Variants in KCNH7 observed in about 807,000 individuals in gnomAD.
KCNH7 encodes the protein voltage-gated inwardly rectifying potassium channel KCNH7.
Under a neutral mutation model 120.8 loss-of-function variants are expected in KCNH7, and 49 were observed. The observed-to-expected ratio is 0.41, with a 90% confidence interval of 0.32 to 0.51. KCNH7 has a LOEUF of 0.51. Ranked by LOEUF, KCNH7 falls within the 20% of genes least tolerant of loss-of-function variation. The pLI, the probability that KCNH7 is intolerant of heterozygous loss-of-function variation, is 0.38. For missense variants in KCNH7, 1,097 were observed against 1,446.6 expected, an observed-to-expected ratio of 0.76 and a Z score of 3.92; for synonymous variants, 547 against 516.1, an observed-to-expected ratio of 1.06 and a Z score of -0.81.
intron 13 of KCNH7, among the ~76,000 whole-genome samples, chr2:162,381,300 T>TA (rs761474903): frequency 7.5e-4 from 114 of 152,250 alleles, no homozygotes; most frequent in Non-Finnish European, 1.5e-3. Flanking sequence ...TTGGCTATTT[T>TA]AAAAAATTGG....
intron 2 of KCNH7, among the ~76,000 whole-genome samples, chr2:162,708,183 G>A (rs1442419732): frequency 6.6e-6 from 1 of 151,648 alleles, no homozygotes; most frequent in Non-Finnish European, 1.5e-5. Flanking sequence ...GCATATAGTA[G>A]GCCCTCAACA....
chr2:162,695,075 G>C (rs1212197040), intron 2 of KCNH7, among the ~76,000 whole-genome samples: 1 of 151,976 alleles, frequency 6.6e-6, no homozygotes, highest in African/African-American at 2.4e-5. Context: ...CTAGAAACCT[G>C]TACTTTTTAA....
chr2:162,556,462 T>A (rs749662340), intron 2 of KCNH7, among the ~76,000 whole-genome samples: 1 of 152,212 alleles, frequency 6.6e-6, no homozygotes, highest in Non-Finnish European at 1.5e-5. Flanking sequence ...TAGTTTATGC[T>A]AGGATTTTTA....
intron 2 of KCNH7, among the ~76,000 whole-genome samples, chr2:162,661,473 G>T (rs997092882): frequency 1.3e-5 from 2 of 152,142 alleles, no homozygotes; most frequent in Admixed American, 6.5e-5. Context: ...TTTTTTGAGA[G>T]CGTTATTTAT....
At chr2:162,781,879 A>C (rs1427086769) in intron 2 of KCNH7, among the ~76,000 whole-genome samples, 2 of 152,216 alleles carry the variant, frequency 1.3e-5, no homozygotes, top group African/African-American at 4.8e-5. Context: ...TACCCTGCAC[A>C]AAAGAAATTA....
At chr2:162,767,970 A>C (rs2105465509) in intron 2 of KCNH7, among the ~76,000 whole-genome samples, 1 of 152,308 alleles carries the variant, frequency 6.6e-6, no homozygotes, top group South Asian at 2.1e-4. Context: ...CAACATTTTA[A>C]TCTGCCTGTG....
Position 162,504,502 on chromosome 2 carries a change from T to G in KCNH7, c.1069A>C (p.Thr357Pro), listed in dbSNP as rs1031259516. 1 of 1,613,108 alleles carries G rather than the reference T, an allele frequency of 6.2e-7. No individual in the cohort carries two copies. Among genetic ancestry groups the G allele is most frequent in the East Asian group, 2.2e-5 (1 of 44,812 alleles). Reference sequence around the variant, plus strand: ...TCTTTAACCTTGGGTGCAATAATGGTTTTATCTGAAGAAGGAGGTGATGAA... The same window carrying G: ...TCTTTAACCTTGGGTGCAATAATGGGTTTATCTGAAGAAGGAGGTGATGAA... ...KNSSPPSSDK[T>P]IIAPKVKDRT... Residue 357 changes from threonine to proline, a missense_variant, in exon 6 of 16, where the codon ACC (threonine) becomes CCC (proline). This residue lies in a region of KCNH7 where 362 missense variants were observed against 372.2 expected (regional missense o/e 0.97). Transcript: ENST00000332142.
At chr2:162,828,098 G>A (rs1685349001) in intron 2 of KCNH7, among the ~76,000 whole-genome samples, 1 of 152,044 alleles carries the variant, frequency 6.6e-6, no homozygotes, top group Admixed American at 6.6e-5. Context: ...AGACTTTTTA[G>A]CAAACCCAGA....
chr2:162,827,758 A>G (rs1336001576), intron 2 of KCNH7, among the ~76,000 whole-genome samples: 1 of 152,136 alleles, frequency 6.6e-6, no homozygotes, highest in Non-Finnish European at 1.5e-5. Flanking sequence ...TAAATTGTAA[A>G]CCACATTTCC....
At chr2:162,743,805 C>T (rs1362337833) in intron 2 of KCNH7, among the ~76,000 whole-genome samples, 1 of 151,974 alleles carries the variant, frequency 6.6e-6, no homozygotes, top group Non-Finnish European at 1.5e-5. Context: ...TCATAAAAAC[C>T]TTAATCACAG....
intron 2 of KCNH7, among the ~76,000 whole-genome samples, chr2:162,832,106 G>A (rs1685500128): frequency 6.6e-6 from 1 of 152,138 alleles, no homozygotes; most frequent in Non-Finnish European, 1.5e-5. Flanking sequence ...TAGGATTACT[G>A]TTGTTGCAAT....
chr2:162,704,987 A>T (rs1349641375), intron 2 of KCNH7, among the ~76,000 whole-genome samples: 2 of 152,180 alleles, frequency 1.3e-5, no homozygotes, highest in Non-Finnish European at 2.9e-5. Flanking sequence ...TAGCACTTTT[A>T]GTGATCGTTG....
intron 9 of KCNH7, among the ~76,000 whole-genome samples, chr2:162,405,154 T>C (rs1687172579): frequency 6.6e-6 from 1 of 152,018 alleles, no homozygotes; most frequent in African/African-American, 2.4e-5. Flanking sequence ...ATCTTTATTT[T>C]GATATAAGGT....
rs1686923309 is a variant in KCNH7 at position 162,396,773 on chromosome 2, C to T, written c.2580G>A (p.Glu860=). ...TCTCATGCCTTAGGTTGAAAGTCAA[C>T]TCTAGGTTTGTTAGAAAGTGATCAG... is the stretch of plus-strand genomic sequence containing the variant. ...EFSDHFLTNL[E]LTFNLRHESA... The change falls in exon 11 of 16, where the codon GAG becomes GAA. Residue 860 remains glutamate (E), a synonymous_variant. Coordinates refer to ENST00000332142, the MANE Select transcript of KCNH7 (RefSeq NM_033272.4). The T allele has an allele frequency of 3.7e-6, 6 of 1,611,286 alleles. No homozygotes were observed. Among genetic ancestry groups the T allele is most frequent in the Non-Finnish European group, 5.1e-6 (6 of 1,178,512 alleles).
intron 2 of KCNH7, among the ~76,000 whole-genome samples, chr2:162,590,266 T>C (rs1694168133): frequency 6.6e-6 from 1 of 152,088 alleles, no homozygotes; most frequent in Non-Finnish European, 1.5e-5. Context: ...AGAAGACACC[T>C]TGAACTAGGC....
intron 9 of KCNH7, among the ~76,000 whole-genome samples, chr2:162,420,989 T>C (rs538100721): frequency 3.9e-5 from 6 of 152,210 alleles, no homozygotes; most frequent in Non-Finnish European, 7.4e-5. Flanking sequence ...TTGCTTTTTC[T>C]CTAATCAACT....
chr2:162,546,479 C>T (rs933400614), intron 2 of KCNH7, among the ~76,000 whole-genome samples: 78 of 152,228 alleles, frequency 5.1e-4, no homozygotes, highest in African/African-American at 1.8e-3. Context: ...ACTGAGCTTA[C>T]TCAGAATATG....
intron 2 of KCNH7, among the ~76,000 whole-genome samples, chr2:162,586,815 C>T (rs1288010526): frequency 1.3e-5 from 2 of 151,654 alleles, no homozygotes; most frequent in African/African-American, 4.8e-5. Context: ...CCATAAAACC[C>T]ATTAAAATTT....
At chr2:162,595,403 C>T (rs1012569843) in intron 2 of KCNH7, among the ~76,000 whole-genome samples, 13 of 151,944 alleles carry the variant, frequency 8.6e-5, no homozygotes, top group African/African-American at 2.9e-4. Context: ...TATGAGATTT[C>T]AGGTGGGAAC....
Sources: allele counts gnomAD v4.1 joint callset (sites outside exome capture counted in the v4.1 genomes callset), GRCh38; gene constraint gnomAD v4.1.1; regional missense constraint gnomAD v4.1.1; transcripts MANE v1.5; gene names NCBI Gene and HGNC (gene_info 2026-07-23, HGNC 2026-07-21).